The following EPHX2 variants were observed in gnomAD, a reference collection of about 807,000 sequenced individuals.
EPHX2 encodes bifunctional epoxide hydrolase 2.
EPHX2 carries 74 observed loss-of-function variants against 78.7 expected under a neutral mutation model. The ratio of observed to expected loss-of-function variants is 0.94; its 90% CI spans 0.78 to 1.14. The LOEUF (loss-of-function observed/expected upper bound fraction) is 1.14. EPHX2 is among the 50% of genes most tolerant of loss of function. The pLI, the probability that EPHX2 is intolerant of heterozygous loss-of-function variation, is 0.00. For missense variants in EPHX2, 715 were observed against 702.5 expected (o/e 1.02, Z -0.20); for synonymous variants, 251 against 255.2 (o/e 0.98, Z 0.16).
At position 27,515,723 on chromosome 8, in the gene EPHX2, G is replaced by T. The variant is rs1347157713; in HGVS notation, c.741G>T (p.Arg247Ser). ...CTCCTCTTTCCCTTCCACAGCCCAGGGTCCGTCTGCATTTTGTGGAGCTGG... is the reference window on the plus strand; with the variant it reads ...CTCCTCTTTCCCTTCCACAGCCCAGTGTCCGTCTGCATTTTGTGGAGCTGG... ...MSHGYVTVKP[R>S]VRLHFVELGS... The change falls in exon 7 of 19, where the codon AGG (arginine) becomes AGT (serine). Residue 247 changes from arginine (R) to serine (S), a missense_variant. Transcript: ENST00000521400. The T allele has an allele frequency of 6.2e-7, 1 of 1,613,878 alleles. No homozygotes were observed. Among genetic ancestry groups the T allele is most frequent in the Non-Finnish European group, 8.5e-7 (1 of 1,179,996 alleles).
chr8:27,538,544 G>A (rs1815285283), intron 13 of EPHX2, 115 bp from the exon 14 acceptor site: 2 of 956,868 alleles, frequency 2.1e-6, no homozygotes, highest in African/African-American at 1.7e-5. Context: ...TCATAACAGG[G>A]TTTTCAGATG....
In EPHX2 at chr8:27,543,810, C is replaced by T. The variant is rs772909833; in HGVS notation, c.1511C>T (p.Ser504Phe). Residue 504 changes from serine (S) to phenylalanine (F), a missense_variant, in exon 17 of 19, where the codon TCC (serine) becomes TTC (phenylalanine). Coordinates refer to ENST00000521400, the MANE Select transcript of EPHX2 (RefSeq NM_001979.6). ...EKDFVLVPQM[S>F]QHMEDWIPHL... ...GACTTCGTGCTCGTTCCTCAGATGT[C>T]CCAGCACATGGAGGACTGGGTGAGG... is the stretch of plus-strand genomic sequence containing the variant. The T allele has an allele frequency of 7.4e-6, 12 of 1,613,980 alleles. 1 individual carries two copies. Among genetic ancestry groups the T allele is most frequent in the Middle Eastern group, 1.6e-4 (1 of 6,084 alleles).
At chr8:27,498,196 A>G (rs1684303272) in intron 1 of EPHX2, among the ~76,000 whole-genome samples, 1 of 152,216 alleles carries the variant, frequency 6.6e-6, no homozygotes, top group South Asian at 2.1e-4. Flanking sequence ...ATATATACCC[A>G]GGTTGGGCCA....
At chr8:27,538,839 G>T (rs1815297414) in intron 14 of EPHX2, 147 bp downstream of exon 14, 1 of 814,842 alleles carries the variant, frequency 1.2e-6, no homozygotes. Context: ...GCATGCATAG[G>T]GCTGACTCTA....
chr8:27,546,368 G>C (rs190827087), downstream of EPHX2, among the ~76,000 whole-genome samples: 3 of 152,306 alleles, frequency 2.0e-5, no homozygotes, highest in Admixed American at 1.3e-4. Context: ...AAGTGCTATG[G>C]AAGTATCAGC....
chr8:27,498,545 C>A (rs1813655942), intron 1 of EPHX2, among the ~76,000 whole-genome samples: 1 of 152,032 alleles, frequency 6.6e-6, no homozygotes, highest in African/African-American at 2.4e-5. Context: ...AATAATTTTC[C>A]CCTGTTTTCC....
chr8:27,511,987 G>A (rs1047113839), intron 6 of EPHX2, 77 bp downstream of exon 6: 1 of 1,424,384 alleles, frequency 7.0e-7, no homozygotes, highest in Non-Finnish European at 9.9e-7. Flanking sequence ...AGACACCCAA[G>A]AGGCTGAGCT....
chr8:27,512,004 A>T lies in EPHX2; in HGVS notation c.735+94A>T, dbSNP rs1402398782. 2.3e-5 allele frequency: 29 copies of T among 1,256,002 alleles called. No individual in the cohort carries two copies. The East Asian group carries it at 6.0e-4, about 26-fold the overall frequency. The allele number at this position is 1,256,002 out of a possible 1,614,324, so 77.8% of individuals were successfully genotyped here. On this transcript the variant is annotated intron_variant, in intron 6 of 18. Transcript: ENST00000521400. ...ACACCCAAGAGGCTGAGCTGTGAGG[A>T]TCACCTGAACCTGAGCCTGGGAAGT...
chr8:27,544,151 T>C (rs932167655), intron 17 of EPHX2, 35 bp from the exon 18 acceptor site: 4 of 1,613,236 alleles, frequency 2.5e-6, no homozygotes, highest in African/African-American at 1.3e-5. Flanking sequence ...ATCTGCCTTC[T>C]TCCATTTACC....
intron 1 of EPHX2, among the ~76,000 whole-genome samples, chr8:27,497,693 A>G (rs1029522369): frequency 6.6e-6 from 1 of 152,120 alleles, no homozygotes; most frequent in African/African-American, 2.4e-5. Context: ...GTGACAGGGG[A>G]GTATATTTTC....
chr8:27,532,842 G>T (rs1451218502), intron 12 of EPHX2, among the ~76,000 whole-genome samples: 1 of 152,194 alleles, frequency 6.6e-6, no homozygotes, highest in African/African-American at 2.4e-5. Context: ...TCAGCCAGGT[G>T]CAGTGGCTCA....
intron 16 of EPHX2, among the ~76,000 whole-genome samples, chr8:27,543,231 A>C (rs1409653743): frequency 2.0e-5 from 3 of 152,016 alleles, no homozygotes; most frequent in Non-Finnish European, 2.9e-5. Flanking sequence ...GCTGCTTGGA[A>C]ATTAGGGTAA....
At position 27,525,470 on chromosome 8, in the gene EPHX2, A is replaced by C; in HGVS notation, c.1167A>C (p.Glu389Asp). ...TTGATTACCAGCTCTACTTCCAAGA[A>C]CCAGTAAGTATGGCACCAAGGGCAA... The part of the protein sequence containing the change: ...PVFDYQLYFQ[E>D]PGVAEAELEQ... Residue 389 changes from glutamate to aspartate, a missense_variant, in exon 12 of 19, where the codon GAA (glutamate) becomes GAC (aspartate). Coordinates refer to ENST00000521400, the MANE Select transcript of EPHX2 (RefSeq NM_001979.6). 1 of 1,612,654 alleles carries C rather than the reference A, an allele frequency of 6.2e-7. No individual in the cohort carries two copies. Among genetic ancestry groups the C allele is most frequent in the Non-Finnish European group, 8.5e-7 (1 of 1,178,676 alleles).
chr8:27,547,493 A>G (rs140421517), downstream of EPHX2, among the ~76,000 whole-genome samples: 1,839 of 152,358 alleles, frequency 0.012, 23 homozygotes, highest in South Asian at 0.047. Context: ...TTTGATACAT[A>G]TAATGTGTAG....
intron 16 of EPHX2, among the ~76,000 whole-genome samples, chr8:27,542,835 C>T (rs1408378203): frequency 6.6e-6 from 1 of 152,040 alleles, no homozygotes; most frequent in East Asian, 1.9e-4. Flanking sequence ...AGAGATGGGG[C>T]TTCACCATGT....
intron 12 of EPHX2, among the ~76,000 whole-genome samples, chr8:27,527,054 G>A (rs1318317464): frequency 6.6e-6 from 1 of 152,146 alleles, no homozygotes; most frequent in African/African-American, 2.4e-5. Context: ...CAATTCTCCT[G>A]CCTCAGCCTC....
intron 13 of EPHX2, among the ~76,000 whole-genome samples, chr8:27,537,908 C>G (rs948646235): frequency 6.6e-6 from 1 of 152,122 alleles, no homozygotes; most frequent in Non-Finnish European, 1.5e-5. Flanking sequence ...TCATCTTCAG[C>G]AGTACTTAAT....
intron 6 of EPHX2, among the ~76,000 whole-genome samples, chr8:27,513,629 A>G (rs147523403): frequency 2.0e-5 from 3 of 152,232 alleles, no homozygotes; most frequent in Non-Finnish European, 4.4e-5. Context: ...TTGATAATAG[A>G]TCTTTCTGTG....
chr8:27,509,864 A>G (rs1341842698), intron 5 of EPHX2, among the ~76,000 whole-genome samples: 3 of 152,224 alleles, frequency 2.0e-5, no homozygotes, highest in Non-Finnish European at 4.4e-5. Context: ...TAAGATGATT[A>G]TTAAAGTAGG....
Sources: gnomAD v4.1 joint callset for allele counts (sites outside exome capture counted in the v4.1 genomes callset) on GRCh38, gnomAD v4.1.1 for gene constraint, MANE v1.5 for transcripts, NCBI Gene and HGNC (gene_info 2026-07-23, HGNC 2026-07-21) for gene names.